Variants in LCP1 observed in about 807,000 individuals in gnomAD.
The protein encoded by LCP1 is plastin-2.
Under a neutral mutation model 72.0 loss-of-function variants are expected in LCP1, and 23 were observed. The ratio of observed to expected loss-of-function variants is 0.32; its 90% CI spans 0.23 to 0.45. The LOEUF (loss-of-function observed/expected upper bound fraction) is 0.45. LCP1 is among the 20% of genes least tolerant of loss of function. LCP1 has a pLI of 1.00. For missense variants in LCP1, 571 were observed against 748.3 expected (o/e 0.76, Z 2.76); for synonymous variants, 245 against 275.4 (o/e 0.89, Z 1.09).
At chr13:46,162,580 G>A (rs1483326405) in intron 1 of LCP1, among the ~76,000 whole-genome samples, 1 of 152,084 alleles carries the variant, frequency 6.6e-6, no homozygotes, top group Non-Finnish European at 1.5e-5. Flanking sequence ...GGGATTGCAG[G>A]CGGAGTCTCG....
At chr13:46,174,915 T>C (rs958189971) in intron 1 of LCP1, among the ~76,000 whole-genome samples, 2 of 151,272 alleles carry the variant, frequency 1.3e-5, no homozygotes, top group African/African-American at 4.9e-5. Context: ...CACAAAAAAG[T>C]ATATAGACAT....
chr13:46,150,784 G>T, intron 8 of LCP1, 152 bp downstream of exon 8: 1 of 773,284 alleles, frequency 1.3e-6, no homozygotes, highest in Non-Finnish European at 2.1e-6. Context: ...CAGCAGATGG[G>T]CTCTCAAGGA....
Position 46,152,818 on chromosome 13 carries a change from A to G in LCP1, c.701T>C (p.Ile234Thr). Residue 234 changes from isoleucine to threonine, a missense_variant, in exon 7 of 16, where the codon ATT becomes ACT. Physicochemically the swap from Ile to Thr is moderately conservative, Grantham distance 89. Coordinates refer to ENST00000323076, the MANE Select transcript of LCP1 (RefSeq NM_002298.5). ...GAGTTCAATGTCAGCAAACAACCCA[A>G]TCTTGATGACTTGCCACAGAAGTCC... is the stretch of plus-strand genomic sequence containing the variant. ...VLGLLWQVIK[I>T]GLFADIELSR... The G allele has an allele frequency of 1.2e-6, 2 of 1,614,002 alleles. No homozygotes were observed. Among genetic ancestry groups the G allele is most frequent in the Non-Finnish European group, 1.7e-6 (2 of 1,179,992 alleles).
chr13:46,156,780 T>C (rs2045803976), intron 4 of LCP1, among the ~76,000 whole-genome samples: 2 of 152,078 alleles, frequency 1.3e-5, no homozygotes, highest in Admixed American at 1.3e-4. Flanking sequence ...TCATAAAACA[T>C]AGAGCAAACA....
Position 46,143,373 on chromosome 13 carries a change from G to A in LCP1, c.1285C>T (p.Leu429Phe). 1 of 1,613,876 alleles carries A rather than the reference G, an allele frequency of 6.2e-7. No homozygotes were observed. Among genetic ancestry groups the A allele is most frequent in the Non-Finnish European group, 8.5e-7 (1 of 1,179,782 alleles). ...ACAGGAACTTTGATCTTTTCATAGA[G>A]CTGGAAGATGACCAGGGCATCTGAT... Reference protein sequence around the residue: ...DLSDALVIFQLYEKIKVPVDW... With the variant: ...DLSDALVIFQFYEKIKVPVDW... The change falls in exon 12 of 16, where the codon CTC (leucine) becomes TTC (phenylalanine). Residue 429 changes from leucine (L) to phenylalanine (F), a missense_variant. Physicochemically the swap from Leu to Phe is conservative, Grantham distance 22. Coordinates refer to ENST00000323076, the MANE Select transcript of LCP1 (RefSeq NM_002298.5).
At position 46,147,091 on chromosome 13, in the gene LCP1, T is replaced by G; in HGVS notation, c.991A>C (p.Ile331Leu). The change falls in exon 10 of 16, where the codon ATC (isoleucine) becomes CTC (leucine). Residue 331 changes from isoleucine to leucine, a missense_variant. By Grantham distance (5) the Ile-to-Leu change is conservative. Coordinates refer to ENST00000323076, the MANE Select transcript of LCP1 (RefSeq NM_002298.5). ...DMSGLREKDD[I>L]QRAECMLQQA... Reference sequence around the variant, plus strand: ...TGCAGCATGCATTCTGCCCTCTGGATGTCATCCTTCTCCTGCAATGCAAAA... The same window carrying G: ...TGCAGCATGCATTCTGCCCTCTGGAGGTCATCCTTCTCCTGCAATGCAAAA... 2 of 1,591,662 alleles carry G rather than the reference T, an allele frequency of 1.3e-6. No homozygotes were observed. The highest frequency in any genetic ancestry group is 1.7e-6 in the Non-Finnish European group (2 of 1,170,276).
intron 13 of LCP1, 99 bp downstream of exon 13, chr13:46,142,193 A>C (rs554623785): frequency 8.0e-7 from 1 of 1,249,384 alleles, no homozygotes; most frequent in African/African-American, 1.5e-5. Context: ...AGCTTAAAAC[A>C]TACTTTTACT....
chr13:46,173,113 A>G (rs2045912424), intron 1 of LCP1, among the ~76,000 whole-genome samples: 1 of 152,284 alleles, frequency 6.6e-6, no homozygotes, highest in South Asian at 2.1e-4. Context: ...ATGTAAAGGC[A>G]TTCCAAACAA....
chr13:46,154,467 T>C (rs2045788096), intron 6 of LCP1, among the ~76,000 whole-genome samples: 1 of 152,210 alleles, frequency 6.6e-6, no homozygotes. Context: ...CCCTCGCTTC[T>C]TAGAAAGGCT....
chr13:46,158,936 C>A lies in LCP1; in HGVS notation c.118G>T (p.Ala40Ser). Reference protein sequence around the residue: ...SFNELNDLFKAACLPLPGYRV... With the variant: ...SFNELNDLFKSACLPLPGYRV... Reference sequence around the variant, plus strand: ...TACCCAGGCAAAGGCAAGCAAGCAGCCTTGAACAAGTCATTCAACTCATTG... The same window carrying A: ...TACCCAGGCAAAGGCAAGCAAGCAGACTTGAACAAGTCATTCAACTCATTG... The change falls in exon 3 of 16, where the codon GCT becomes TCT. Residue 40 changes from alanine (A) to serine (S), a missense_variant. Ala to Ser is a moderately conservative substitution (Grantham distance 99). Transcript: ENST00000323076. 2.5e-6 allele frequency: 4 copies of A among 1,614,138 alleles called. No individual in the cohort carries two copies. Among genetic ancestry groups the A allele is most frequent in the Non-Finnish European group, 3.4e-6 (4 of 1,180,034 alleles).
intron 8 of LCP1, among the ~76,000 whole-genome samples, chr13:46,149,308 C>G (rs940661566): frequency 6.6e-6 from 1 of 152,106 alleles, no homozygotes; most frequent in African/African-American, 2.4e-5. Flanking sequence ...AGAGGAGAAC[C>G]AGAGAGTGTG....
chr13:46,146,256 G>A (rs1012180006), intron 10 of LCP1, among the ~76,000 whole-genome samples: 1 of 152,152 alleles, frequency 6.6e-6, no homozygotes, highest in African/African-American at 2.4e-5. Flanking sequence ...CTTCAAATCT[G>A]AATCTCCTTG....
At chr13:46,177,854 C>A (rs2181619) in intron 1 of LCP1, among the ~76,000 whole-genome samples, 1 of 151,734 alleles carries the variant, frequency 6.6e-6, no homozygotes, top group Non-Finnish European at 1.5e-5. Flanking sequence ...GATGCTGTTG[C>A]TGCTGCTGCT....
At chr13:46,165,461 T>C (rs1480509067) in intron 1 of LCP1, among the ~76,000 whole-genome samples, 3 of 152,126 alleles carry the variant, frequency 2.0e-5, no homozygotes, top group African/African-American at 7.2e-5. Context: ...GATTAATAAG[T>C]AATATAAGTA....
chr13:46,132,221 C>T (rs1182421326), intron 14 of LCP1, among the ~76,000 whole-genome samples: 2 of 152,268 alleles, frequency 1.3e-5, no homozygotes, highest in East Asian at 1.9e-4. Flanking sequence ...ACCCCAGCAT[C>T]GCTTGTCAAA....
chr13:46,162,451 C>G (rs2138268143), intron 1 of LCP1, among the ~76,000 whole-genome samples: 1 of 152,102 alleles, frequency 6.6e-6, no homozygotes, highest in Middle Eastern at 3.4e-3. Context: ...AGGCGCGCGC[C>G]TCCAGGCCTG....
chr13:46,150,033 C>A (rs905752990), intron 8 of LCP1, among the ~76,000 whole-genome samples: 6 of 152,184 alleles, frequency 3.9e-5, no homozygotes, highest in African/African-American at 1.2e-4. Flanking sequence ...CTGACACACG[C>A]TGAGTTCTAA....
chr13:46,163,924 C>T (rs978373068), intron 1 of LCP1, among the ~76,000 whole-genome samples: 24 of 152,106 alleles, frequency 1.6e-4, no homozygotes, highest in African/African-American at 5.6e-4. Flanking sequence ...GCTGTCCAGC[C>T]CTTCATGTTT....
chr13:46,172,431 C>G (rs1044156342), intron 1 of LCP1, among the ~76,000 whole-genome samples: 6 of 152,026 alleles, frequency 3.9e-5, no homozygotes, highest in African/African-American at 1.2e-4. Flanking sequence ...TTGCAGTGAG[C>G]TGAGATCACG....
Sources: allele counts gnomAD v4.1 joint callset (sites outside exome capture counted in the v4.1 genomes callset), GRCh38; gene constraint gnomAD v4.1.1; transcripts MANE v1.5; gene names NCBI Gene and HGNC (gene_info 2026-07-23, HGNC 2026-07-21).